Variants in CPT1C observed in about 807,000 individuals in gnomAD.
The protein encoded by CPT1C is carnitine palmitoyltransferase 1C, also known as palmitoyl thioesterase CPT1C.
Under a neutral mutation model 97.3 loss-of-function variants are expected in CPT1C, and 61 were observed. That is an observed-to-expected ratio of 0.63 (90% CI 0.51 to 0.78). The LOEUF is 0.78. Among genes scored for constraint, CPT1C ranks in the 30% least tolerant of loss-of-function variants. The probability of loss-of-function intolerance (pLI) is 0.00; values close to 1 mark genes in which losing one functional copy is unlikely to be tolerated. For missense variants in CPT1C, 975 were observed against 1,065.5 expected, an observed-to-expected ratio of 0.92 and a Z score of 1.18; for synonymous variants, 469 against 447.2, an observed-to-expected ratio of 1.05 and a Z score of -0.61.
At position 49,713,484 on chromosome 19, in the gene CPT1C, C is replaced by A. The variant is rs1203357984; in HGVS notation, c.2291C>A (p.Ala764Glu). 6.2e-6 allele frequency: 10 copies of A among 1,614,152 alleles called. No individual in the cohort carries two copies. The highest frequency in any genetic ancestry group is 8.5e-6 in the Non-Finnish European group (10 of 1,180,008). Reference sequence around the variant, plus strand: ...CTGGATGTGGCCTCCCTGTTCCAGGCGGGACAGCATTTTAAGCGCCGGTTC... The same window carrying A: ...CTGGATGTGGCCTCCCTGTTCCAGGAGGGACAGCATTTTAAGCGCCGGTTC... Reference protein sequence around the residue: ...ALLDVASLFQAGQHFKRRFRG... With the variant: ...ALLDVASLFQEGQHFKRRFRG... Residue 764 changes from alanine (A) to glutamate (E), a missense_variant, in exon 20 of 20, where the codon GCG (alanine) becomes GAG (glutamate). Coordinates refer to ENST00000598293, the MANE Select transcript of CPT1C (RefSeq NM_001199753.2).
rs964370041 is a variant in CPT1C at position 49,706,878 on chromosome 19, A to G, written c.1343+465A>G. On this transcript the variant is annotated intron_variant, in intron 12 of 19. Coordinates refer to ENST00000598293, the MANE Select transcript of CPT1C (RefSeq NM_001199753.2). This position sits in a 1 kb window ranked among gnomAD's most constrained non-coding sequence, Gnocchi z 4.8. Reference sequence around the variant, plus strand: ...CAGACTTCCAGACCTAGAGATTCTCAGGCCTGGCAGGCATCACTGAATTCC... The same window carrying G: ...CAGACTTCCAGACCTAGAGATTCTCGGGCCTGGCAGGCATCACTGAATTCC... Among the ~76,000 whole-genome samples, 1 of 152,134 alleles carries G rather than the reference A, an allele frequency of 6.6e-6. No individual in the cohort carries two copies. Among genetic ancestry groups the G allele is most frequent in the Admixed American group, 6.6e-5 (1 of 15,266 alleles).
Position 49,692,132 on chromosome 19 carries a change from G to T in CPT1C, c.-14-107G>T, listed in dbSNP as rs895133693. 7 of 1,212,750 alleles carry T rather than the reference G, an allele frequency of 5.8e-6. No homozygotes were observed. In the African/African-American group the frequency reaches 9.2e-5, roughly 16 times the overall value. The allele number at this position is 1,212,750 out of a possible 1,614,324, so 75.1% of individuals were successfully genotyped here. On this transcript the variant is annotated intron_variant, in intron 2 of 19. Transcript: ENST00000598293. ...CCTGGATCTGAGAGAGGAGGGACTG[G>T]GGCCTGGACTCCTGGGTATGAAGGA... is the stretch of plus-strand genomic sequence containing the variant.
Position 49,692,413 on chromosome 19 carries a change from G to C in CPT1C, c.141+20G>C. ...TTCTGGGTGAGGAGCGGTGCTGGTC[G>C]GTTTCCTTCCGGGGATCCAGGTTTC... On this transcript the variant is annotated intron_variant, in intron 3 of 19. Transcript: ENST00000598293. The C allele has an allele frequency of 6.2e-7, 1 of 1,612,910 alleles. No homozygotes were observed.
chr19:49,703,762 A>C (rs1014470577), intron 7 of CPT1C, among the ~76,000 whole-genome samples: 5 of 151,682 alleles, frequency 3.3e-5, no homozygotes, highest in African/African-American at 7.3e-5. Flanking sequence ...CCTCCTGAGT[A>C]GCTGGGACTA....
rs574091758 is a variant in CPT1C, at chr19:49,702,672, G to A, written c.693+1038G>A. 8.6e-5 allele frequency among the ~76,000 whole-genome samples: 13 copies of A among 151,882 alleles called. 1 individual carries two copies. Among genetic ancestry groups the A allele is most frequent in the African/African-American group, 3.1e-4 (13 of 41,464 alleles). ...AAAGACAAAACCAAAGGAGTTGAAT[G>A]GTGAGGAGTGGTGGGAGAGGCCTGA... On this transcript the variant is annotated intron_variant, in intron 7 of 19. Coordinates refer to ENST00000598293, the MANE Select transcript of CPT1C (RefSeq NM_001199753.2).
At chr19:49,694,913 G>C (rs1421661338) in intron 3 of CPT1C, among the ~76,000 whole-genome samples, 1 of 152,100 alleles carries the variant, frequency 6.6e-6, no homozygotes, top group Non-Finnish European at 1.5e-5. Context: ...GGCCGAGGCG[G>C]GCAGATCACG....
rs779646057 is a variant in CPT1C, at chr19:49,711,876, T to C, written c.1934T>C (p.Met645Thr). The C allele has an allele frequency of 3.1e-6, 5 of 1,614,130 alleles. No individual in the cohort carries two copies. The highest frequency in any genetic ancestry group is 4.2e-6 in the Non-Finnish European group (5 of 1,180,032). The change falls in exon 17 of 20, where the codon ATG becomes ACG. Residue 645 changes from methionine to threonine, a missense_variant. Coordinates refer to ENST00000598293, the MANE Select transcript of CPT1C (RefSeq NM_001199753.2). ...DKHQALLKAAMSGQGVDRHLF... is the reference protein window; with the variant it reads ...DKHQALLKAATSGQGVDRHLF... ...CACCAGGCTCTGCTGAAGGCAGCCA[T>C]GAGCGGGCAGGGAGTTGACCGCCAC...
rs1032755209 is a variant in CPT1C at position 49,697,581 on chromosome 19, G to C, written c.281+116G>C. ...AAAGTAACCTCTGAGACTTACATTG[G>C]GTCAGATTAATAAAGGCATGGCATG... On this transcript the variant is annotated intron_variant, in intron 4 of 19. Transcript: ENST00000598293. 4 of 1,248,352 alleles carry C rather than the reference G, an allele frequency of 3.2e-6. No individual in the cohort carries two copies. In the African/African-American group the frequency reaches 6.0e-5, roughly 19 times the overall value. 77.3% of individuals were successfully genotyped at this position (1,248,352 alleles called of 1,614,324 possible).
Position 49,705,976 on chromosome 19 carries a change from G to A in CPT1C, c.1032G>A (p.Met344Ile). ...AVFHRGRFFRMGTHSRNSLLS... is the reference protein window; with the variant it reads ...AVFHRGRFFRIGTHSRNSLLS... ...TCCACCGGGGCCGATTCTTCCGCAT[G>A]GGGACCCACTCCCGAAACAGCCTGC... Residue 344 changes from methionine (M) to isoleucine (I), a missense_variant, in exon 11 of 20, where the codon ATG (methionine) becomes ATA (isoleucine). Physicochemically the swap from Met to Ile is conservative, Grantham distance 10. Coordinates refer to ENST00000598293, the MANE Select transcript of CPT1C (RefSeq NM_001199753.2). 2 of 1,613,976 alleles carry A rather than the reference G, an allele frequency of 1.2e-6. No homozygotes were observed. The highest frequency in any genetic ancestry group is 1.7e-6 in the Non-Finnish European group (2 of 1,179,966).
intron 7 of CPT1C, among the ~76,000 whole-genome samples, chr19:49,702,138 AAT>A (rs1277377576): frequency 4.1e-5 from 3 of 72,528 alleles, no homozygotes; most frequent in Admixed American, 1.8e-4. Flanking sequence ...ATTATAAATA[AAT>A]ATATATTTAT....
In CPT1C at chr19:49,708,998, C is replaced by T. The variant is rs937087764; in HGVS notation, c.1566+159C>T. Among the ~76,000 whole-genome samples, 6 of 150,688 alleles carry T rather than the reference C, an allele frequency of 4.0e-5. No homozygotes were observed. The South Asian group carries it at 6.4e-4, about 16-fold the overall frequency. On this transcript the variant is annotated intron_variant, in intron 14 of 19. Coordinates refer to ENST00000598293, the MANE Select transcript of CPT1C (RefSeq NM_001199753.2). Reference sequence around the variant, plus strand: ...CACCCCCAAATCAGGCCATATGCATCCACAACCTCAAACCCCAACACGAAC... The same window carrying T: ...CACCCCCAAATCAGGCCATATGCATTCACAACCTCAAACCCCAACACGAAC...
Position 49,706,491 on chromosome 19 carries a change from A to T in CPT1C, c.1343+78A>T. 3 of 1,256,320 alleles carry T rather than the reference A, an allele frequency of 2.4e-6. No homozygotes were observed. The highest frequency in any genetic ancestry group is 3.1e-6 in the Non-Finnish European group (3 of 966,354). The allele number at this position is 1,256,320 out of a possible 1,614,324, so 77.8% of individuals were successfully genotyped here. On this transcript the variant is annotated intron_variant, in intron 12 of 19. Coordinates refer to ENST00000598293, the MANE Select transcript of CPT1C (RefSeq NM_001199753.2). The surrounding 1 kb of genome is among the most constrained non-coding windows in gnomAD (Gnocchi z 4.8). ...TCAGACCTAGGACCCCTGACAGTAG[A>T]CAGCCAGACCCTGGAGCCCACACCT...
chr19:49,706,364 T>C lies in CPT1C; in HGVS notation c.1294T>C (p.Ser432Pro). The part of the protein sequence containing the change: ...AGLTREDPAA[S>P]LDAYAHALLA... ...GCTCACCAGGGAGGACCCGGCAGCG[T>C]CGTTGGATGCCTACGCCCATGCTCT... The change falls in exon 12 of 20, where the codon TCG (serine) becomes CCG (proline). Residue 432 changes from serine to proline, a missense_variant. By Grantham distance (74) the Ser-to-Pro change is moderately conservative. This residue lies in a region of CPT1C where 596 missense variants were observed against 603.1 expected (regional missense o/e 0.99). Transcript: ENST00000598293. This position sits in a 1 kb window ranked among gnomAD's most constrained non-coding sequence, Gnocchi z 4.8. The C allele has an allele frequency of 6.6e-7, 1 of 1,509,448 alleles. No homozygotes were observed. The highest frequency in any genetic ancestry group is 8.8e-7 in the Non-Finnish European group (1 of 1,134,094). 93.5% of individuals were successfully genotyped at this position (1,509,448 alleles called of 1,614,324 possible).
chr19:49,712,488 AAGAGGAAAGGGCGTGGTC>A (rs1465783983), intron 17 of CPT1C: 1 of 526,076 alleles, frequency 1.9e-6, no homozygotes, highest in Non-Finnish European at 3.4e-6. Flanking sequence ...GGGTGGGGAT[AAGAGGAAAGGGCGTGGTC>A]AGAGGAGGGG....
Position 49,706,477 on chromosome 19 carries a change from A to C in CPT1C, c.1343+64A>C. The C allele has an allele frequency of 7.4e-7, 1 of 1,346,124 alleles. No individual in the cohort carries two copies. The highest frequency in any genetic ancestry group is 9.6e-7 in the Non-Finnish European group (1 of 1,039,466). The allele number at this position is 1,346,124 out of a possible 1,614,324, so 83.4% of individuals were successfully genotyped here. On this transcript the variant is annotated intron_variant, in intron 12 of 19. Transcript: ENST00000598293. The surrounding 1 kb of genome is among the most constrained non-coding windows in gnomAD (Gnocchi z 4.8). ...CCGAGAATCCAGTATCAGACCTAGG[A>C]CCCCTGACAGTAGACAGCCAGACCC...
At chr19:49,694,079 T>C (rs546493958) in intron 3 of CPT1C, among the ~76,000 whole-genome samples, 1 of 144,384 alleles carries the variant, frequency 6.9e-6, no homozygotes, top group African/African-American at 2.6e-5. Flanking sequence ...AAAAATAAAA[T>C]AAAATAAAAA....
intron 14 of CPT1C, among the ~76,000 whole-genome samples, chr19:49,709,234 T>C (rs1267579615): frequency 6.7e-6 from 1 of 150,030 alleles, no homozygotes; most frequent in African/African-American, 2.5e-5. Flanking sequence ...CTCCACCCCA[T>C]ACCAAACCCT....
intron 4 of CPT1C, 56 bp downstream of exon 4, chr19:49,697,521 A>C: frequency 6.3e-7 from 1 of 1,579,104 alleles, no homozygotes; most frequent in Non-Finnish European, 8.6e-7. Flanking sequence ...TTCACCCAGT[A>C]AGTTCCTCTG....
Position 49,701,110 on chromosome 19 carries a change from C to CCCCCCTCTCTCTGGGTCTCTG in CPT1C, c.454-195_454-194insGGGTCTCTGCCCCCTCTCTCT, listed in dbSNP as rs1555778304. On this transcript the variant is annotated intron_variant, in intron 5 of 19. Transcript: ENST00000598293. ...ACCCCCGACTCTCTCTGGGTCTCTG[C>CCCCCCTCTCTCTGGGTCTCTG]CCCCCTCTCTCTCTGGGTCTCTGTC... 1.3e-3 allele frequency among the ~76,000 whole-genome samples: 61 copies of CCCCCCTCTCTCTGGGTCTCTG among 47,758 alleles called. 2 individuals carry two copies. The highest frequency in any genetic ancestry group is 6.0e-4 in the Non-Finnish European group (14 of 23,274). The allele number at this position is 47,758 out of a possible 152,430, so 31.3% of individuals were successfully genotyped here. A position where few individuals can be genotyped will look rare whatever the true frequency, so the allele number is the denominator to read the frequency against.
Sources: allele counts gnomAD v4.1 joint callset (sites outside exome capture counted in the v4.1 genomes callset), GRCh38; gene constraint gnomAD v4.1.1; regional missense constraint gnomAD v4.1.1; non-coding constraint Gnocchi (gnomAD v3.1); transcripts MANE v1.5; gene names NCBI Gene and HGNC (gene_info 2026-07-23, HGNC 2026-07-21).